SLC2A13: variants seen among roughly 807,000 people sequenced by gnomAD.
SLC2A13 encodes solute carrier family 2 member 13.
Under a neutral mutation model 64.4 loss-of-function variants are expected in SLC2A13, and 32 were observed. That is an observed-to-expected ratio of 0.50 (90% CI 0.37 to 0.67). The LOEUF is 0.67. Ranked by LOEUF, SLC2A13 falls within the 30% of genes least tolerant of loss-of-function variation. SLC2A13 has a pLI of 0.00. For synonymous variants in SLC2A13, 338 were observed against 327.1 expected (o/e 1.03, Z -0.36); for missense variants, 743 against 829.2 (o/e 0.90, Z 1.28).
intron 3 of SLC2A13, among the ~76,000 whole-genome samples, chr12:39,975,727 C>A (rs1039918857): frequency 6.6e-6 from 1 of 152,206 alleles, no homozygotes; most frequent in African/African-American, 2.4e-5. Flanking sequence ...CTTCAGATGA[C>A]TCATGCACAA....
intron 4 of SLC2A13, among the ~76,000 whole-genome samples, chr12:39,949,170 T>C (rs370043863): frequency 6.6e-6 from 1 of 152,208 alleles, no homozygotes; most frequent in East Asian, 1.9e-4. Context: ...AATTATGTAC[T>C]GTGAATAAAC....
intron 7 of SLC2A13, among the ~76,000 whole-genome samples, chr12:39,779,255 G>A (rs1940889707): frequency 6.6e-6 from 1 of 152,188 alleles, no homozygotes; most frequent in Non-Finnish European, 1.5e-5. Flanking sequence ...GAGTATGTTG[G>A]ATGCAGCATT....
At chr12:40,070,034 A>G (rs1329138062) in intron 1 of SLC2A13, among the ~76,000 whole-genome samples, 2 of 152,276 alleles carry the variant, frequency 1.3e-5, no homozygotes, top group South Asian at 2.1e-4. Context: ...AGTGAATGCA[A>G]TAAGTATATT....
At chr12:39,901,098 C>G (rs1945090549) in intron 4 of SLC2A13, among the ~76,000 whole-genome samples, 1 of 152,166 alleles carries the variant, frequency 6.6e-6, no homozygotes. Context: ...AAAGGATTCC[C>G]TATTTAATAA....
intron 3 of SLC2A13, among the ~76,000 whole-genome samples, chr12:39,978,549 A>G (rs1946811126): frequency 6.6e-6 from 1 of 152,202 alleles, no homozygotes; most frequent in Admixed American, 6.5e-5. Context: ...TCGGAGTCAA[A>G]GAAAGGGGTG....
chr12:39,879,288 A>G (rs1944281509), intron 4 of SLC2A13, among the ~76,000 whole-genome samples: 1 of 152,180 alleles, frequency 6.6e-6, no homozygotes, highest in South Asian at 2.1e-4. Flanking sequence ...AGAGTCCCCT[A>G]TTGCCTAGTG....
At chr12:39,861,088 C>A (rs1321752938) in intron 6 of SLC2A13, among the ~76,000 whole-genome samples, 8 of 152,238 alleles carry the variant, frequency 5.3e-5, no homozygotes, top group African/African-American at 1.9e-4. Flanking sequence ...ACGTTCCTTA[C>A]TGCCTTGCAG....
intron 1 of SLC2A13, among the ~76,000 whole-genome samples, chr12:40,056,336 G>T (rs766461263): frequency 2.6e-5 from 4 of 152,058 alleles, no homozygotes; most frequent in Non-Finnish European, 4.4e-5. Flanking sequence ...CACAGAGAAA[G>T]AAAGAATTTC....
At chr12:40,064,165 A>G (rs991538548) in intron 1 of SLC2A13, among the ~76,000 whole-genome samples, 3 of 152,120 alleles carry the variant, frequency 2.0e-5, no homozygotes, top group Non-Finnish European at 4.4e-5. Context: ...TGATCACTTG[A>G]GTCCGCAAGT....
intron 4 of SLC2A13, among the ~76,000 whole-genome samples, chr12:39,916,452 A>G (rs1945522758): frequency 6.6e-6 from 1 of 152,138 alleles, no homozygotes. Context: ...TTAATTCTGA[A>G]TATGGAAGCC....
At chr12:40,098,131 G>A (rs2136304868) in intron 1 of SLC2A13, among the ~76,000 whole-genome samples, 1 of 151,804 alleles carries the variant, frequency 6.6e-6, no homozygotes, top group South Asian at 2.1e-4. Flanking sequence ...ATATAGGTGT[G>A]TATATATATA....
At chr12:40,026,692 A>C (rs1947814489) in intron 3 of SLC2A13, among the ~76,000 whole-genome samples, 2 of 152,206 alleles carry the variant, frequency 1.3e-5, no homozygotes, top group South Asian at 4.1e-4. Flanking sequence ...ACAGGCTCTA[A>C]ATAGTATTTA....
chr12:39,954,114 A>AT (rs1365900125), intron 3 of SLC2A13, among the ~76,000 whole-genome samples: 1 of 152,216 alleles, frequency 6.6e-6, no homozygotes, highest in African/African-American at 2.4e-5. Flanking sequence ...AACAGTTCTC[A>AT]TGCTAGCGGA....
At chr12:39,984,208 T>C (rs992444212) in intron 3 of SLC2A13, among the ~76,000 whole-genome samples, 34 of 151,738 alleles carry the variant, frequency 2.2e-4, no homozygotes, top group East Asian at 1.2e-3. Flanking sequence ...AGGGATAGCA[T>C]TGGGAGATAT....
chr12:39,937,834 T>C (rs1945942375), intron 4 of SLC2A13, among the ~76,000 whole-genome samples: 2 of 152,292 alleles, frequency 1.3e-5, no homozygotes, highest in South Asian at 4.1e-4. Context: ...TTATTAGATC[T>C]TATCATCCTA....
At chr12:39,877,396 C>A (rs796222022) in intron 4 of SLC2A13, among the ~76,000 whole-genome samples, 4 of 149,828 alleles carry the variant, frequency 2.7e-5, no homozygotes, top group African/African-American at 1.0e-4. Context: ...AGAATTGGAA[C>A]CCCCCCTCCA....
chr12:39,850,677 T>C (rs2135893617), intron 6 of SLC2A13, among the ~76,000 whole-genome samples: 1 of 152,346 alleles, frequency 6.6e-6, no homozygotes, highest in East Asian at 1.9e-4. Context: ...CAACACATAA[T>C]TGTAAAACAT....
rs1375041553 is a variant in SLC2A13 at position 40,047,407 on chromosome 12, T to A, written c.716+644A>T. Among the ~76,000 whole-genome samples the A allele has an allele frequency of 3.9e-5, 6 of 152,186 alleles. No homozygotes were observed. The South Asian group carries it at 1.2e-3, about 31-fold the overall frequency. ...ACCTCTAATGCCTTTTAATAAAATT[T>A]CTCTGGAACAGTTACATGAGTACTA... On this transcript the variant is annotated intron_variant, in intron 2 of 9. Transcript: ENST00000280871.
At chr12:39,772,578 T>C (rs933674463) in intron 7 of SLC2A13, among the ~76,000 whole-genome samples, 5 of 150,792 alleles carry the variant, frequency 3.3e-5, no homozygotes, top group Non-Finnish European at 7.4e-5. Flanking sequence ...TTTTGAGTCA[T>C]GAAGATTTAA....
Sources: gnomAD v4.1 joint callset for allele counts (sites outside exome capture counted in the v4.1 genomes callset) on GRCh38, gnomAD v4.1.1 for gene constraint, MANE v1.5 for transcripts, NCBI Gene and HGNC (gene_info 2026-07-23, HGNC 2026-07-21) for gene names.